Variants in NLGN1 observed in about 807,000 individuals in gnomAD.
NLGN1 encodes neuroligin 1.
NLGN1 carries 12 observed loss-of-function variants against 65.5 expected under a neutral mutation model. The ratio of observed to expected loss-of-function variants is 0.18; its 90% CI spans 0.12 to 0.30. NLGN1 has a LOEUF of 0.30. Among genes scored for constraint, NLGN1 ranks in the 10% least tolerant of loss-of-function variants. NLGN1 has a pLI of 1.00. For synonymous variants in NLGN1, 350 were observed against 359.5 expected (o/e 0.97, Z 0.30); for missense variants, 750 against 1,007.1 (o/e 0.74, Z 3.46).
intron 4 of NLGN1, among the ~76,000 whole-genome samples, chr3:174,153,080 C>T (rs2152706849): frequency 6.6e-6 from 1 of 152,224 alleles, no homozygotes; most frequent in East Asian, 1.9e-4. Flanking sequence ...AATACCAGTT[C>T]AGGTCCTCTA....
intron 4 of NLGN1, among the ~76,000 whole-genome samples, chr3:174,232,459 C>T (rs996735063): frequency 6.6e-6 from 1 of 152,102 alleles, no homozygotes; most frequent in Non-Finnish European, 1.5e-5. Flanking sequence ...GCTGTTGGCC[C>T]TCTAAAGGTT....
At chr3:173,905,131 C>A (rs114522170) in intron 4 of NLGN1, among the ~76,000 whole-genome samples, 1,875 of 152,300 alleles carry the variant, frequency 0.012, 56 homozygotes, top group African/African-American at 0.043. Flanking sequence ...TGTCTGTTTG[C>A]CTGAGTTCTC....
chr3:173,609,626 A>G (rs771469734), intron 3 of NLGN1, among the ~76,000 whole-genome samples: 2 of 151,922 alleles, frequency 1.3e-5, no homozygotes, highest in African/African-American at 2.4e-5. Context: ...TCACTCATTT[A>G]CTTATTCATT....
intron 3 of NLGN1, among the ~76,000 whole-genome samples, chr3:173,769,600 C>CT (rs1450818243): frequency 6.6e-6 from 1 of 152,178 alleles, no homozygotes; most frequent in Non-Finnish European, 1.5e-5. Context: ...AAAGGTGTGT[C>CT]TATGTCTCAA....
rs570265875 is a variant in NLGN1 at position 174,111,100 on chromosome 3, T to G, written c.647-164215T>G. On this transcript the variant is annotated intron_variant, in intron 4 of 6. Coordinates refer to ENST00000457714, the Ensembl canonical transcript of NLGN1. ...AGTAATTATTTTAATCCAAAAAAGG[T>G]ATCTTAAAGAGTTAAAATGTTGTAG... Among the ~76,000 whole-genome samples the G allele has an allele frequency of 2.0e-5, 3 of 152,124 alleles. No individual in the cohort carries two copies. The South Asian group carries it at 6.2e-4, about 32-fold the overall frequency.
At chr3:173,762,571 G>A (rs1778132898) in intron 3 of NLGN1, among the ~76,000 whole-genome samples, 2 of 152,064 alleles carry the variant, frequency 1.3e-5, no homozygotes, top group South Asian at 2.1e-4. Flanking sequence ...ATACTAAAAA[G>A]AGACTGTTTT....
intron 4 of NLGN1, among the ~76,000 whole-genome samples, chr3:174,022,578 A>G (rs755132290): frequency 1.2e-4 from 19 of 152,230 alleles, no homozygotes; most frequent in Non-Finnish European, 2.1e-4. Flanking sequence ...AACAAGATAC[A>G]TACGCCAACA....
At chr3:173,893,781 A>G (rs1378494513) in intron 4 of NLGN1, among the ~76,000 whole-genome samples, 1 of 152,014 alleles carries the variant, frequency 6.6e-6, no homozygotes, top group Non-Finnish European at 1.5e-5. Flanking sequence ...CATAAATACA[A>G]TTTTGTTTTC....
At chr3:173,629,709 A>G (rs1000826223) in intron 3 of NLGN1, among the ~76,000 whole-genome samples, 4 of 152,164 alleles carry the variant, frequency 2.6e-5, no homozygotes, top group African/African-American at 9.6e-5. Context: ...TCATGTATGC[A>G]TAACTAATGC....
intron 4 of NLGN1, among the ~76,000 whole-genome samples, chr3:174,170,092 A>G (rs991274693): frequency 3.9e-5 from 6 of 152,088 alleles, no homozygotes; most frequent in Non-Finnish European, 7.3e-5. Flanking sequence ...GCTTTGGGGT[A>G]TCCTTCAAGA....
chr3:173,432,514 C>T (rs1004299175), intron 1 of NLGN1, among the ~76,000 whole-genome samples: 3 of 152,172 alleles, frequency 2.0e-5, no homozygotes, highest in African/African-American at 7.2e-5. Context: ...TTATTTACAT[C>T]TGTATAACTT....
At chr3:174,285,841 C>T (rs1414314976) in exon 7 of NLGN1, 3 of 151,226 alleles carry the variant, frequency 2.0e-5, no homozygotes, top group Admixed American at 1.3e-4. Flanking sequence ...TTAAAGAGTA[C>T]AATAGGATGA....
intron 3 of NLGN1, among the ~76,000 whole-genome samples, chr3:173,640,672 A>C (rs1162987996): frequency 1.3e-5 from 2 of 152,164 alleles, no homozygotes; most frequent in African/African-American, 4.8e-5. Flanking sequence ...TCCATCCAGG[A>C]GTTAATCAAA....
At chr3:173,656,348 T>C (rs1470936325) in intron 3 of NLGN1, among the ~76,000 whole-genome samples, 1 of 152,116 alleles carries the variant, frequency 6.6e-6, no homozygotes, top group Non-Finnish European at 1.5e-5. Context: ...TTCTTTTCCT[T>C]GTCCTGAATT....
chr3:173,477,418 A>G (rs1442087108), intron 2 of NLGN1, among the ~76,000 whole-genome samples: 2 of 152,164 alleles, frequency 1.3e-5, no homozygotes, highest in Non-Finnish European at 2.9e-5. Context: ...CATGGTGGCC[A>G]GTATCTGTAG....
chr3:173,555,439 A>G (rs1245757147), intron 2 of NLGN1, among the ~76,000 whole-genome samples: 1 of 151,902 alleles, frequency 6.6e-6, no homozygotes, highest in Non-Finnish European at 1.5e-5. Context: ...ACATTTATCT[A>G]TTTTTCTTAC....
intron 3 of NLGN1, among the ~76,000 whole-genome samples, chr3:173,774,341 A>G (rs2150283034): frequency 1.3e-5 from 2 of 152,282 alleles, no homozygotes; most frequent in Admixed American, 1.3e-4. Flanking sequence ...TGCTAGATAA[A>G]ATGCTTCAAT....
At chr3:174,229,682 T>A (rs1354146785) in intron 4 of NLGN1, among the ~76,000 whole-genome samples, 1 of 152,188 alleles carries the variant, frequency 6.6e-6, no homozygotes, top group Non-Finnish European at 1.5e-5. Context: ...TGATTAGAAT[T>A]TTAGTGAATT....
chr3:173,772,139 A>G (rs1203098452), intron 3 of NLGN1, among the ~76,000 whole-genome samples: 1 of 152,132 alleles, frequency 6.6e-6, no homozygotes, highest in Non-Finnish European at 1.5e-5. Flanking sequence ...TTATTGGCTC[A>G]TTTTTACTTT....
Sources: gnomAD v4.1 joint callset for allele counts (sites outside exome capture counted in the v4.1 genomes callset) on GRCh38, gnomAD v4.1.1 for gene constraint, MANE v1.5 for transcripts, NCBI Gene and HGNC (gene_info 2026-07-23, HGNC 2026-07-21) for gene names.